The following CHCHD3 variants were observed in gnomAD, a reference collection of about 807,000 sequenced individuals.
The protein encoded by CHCHD3 is coiled-coil-helix-coiled-coil-helix domain containing 3.
In CHCHD3, 20 loss-of-function variants were observed where a neutral mutation model predicts 38.2. The ratio of observed to expected loss-of-function variants is 0.52; its 90% CI spans 0.37 to 0.76. The LOEUF is 0.76. Ranked by LOEUF, CHCHD3 falls within the 30% of genes least tolerant of loss-of-function variation. CHCHD3 has a pLI of 0.00. For synonymous variants in CHCHD3, 82 were observed against 100.0 expected, an observed-to-expected ratio of 0.82 and a Z score of 1.07; for missense variants, 245 against 279.2, an observed-to-expected ratio of 0.88 and a Z score of 0.87.
chr7:132,804,038 G>A (rs1391801819), intron 6 of CHCHD3, among the ~76,000 whole-genome samples: 3 of 151,974 alleles, frequency 2.0e-5, no homozygotes, highest in Non-Finnish European at 4.4e-5. Flanking sequence ...AAAACCTCAT[G>A]TTTAGAAGGT....
At chr7:132,818,477 T>C (rs554035150) in intron 6 of CHCHD3, among the ~76,000 whole-genome samples, 1 of 152,228 alleles carries the variant, frequency 6.6e-6, no homozygotes, top group South Asian at 2.1e-4. Context: ...GCTCAGAAAA[T>C]GCCTATAATT....
intron 4 of CHCHD3, chr7:132,886,880 T>C: frequency 4.1e-6 from 3 of 733,388 alleles, no homozygotes; most frequent in Non-Finnish European, 5.7e-6. Flanking sequence ...TCAAGTATTG[T>C]CTGTTTCAGA....
intron 4 of CHCHD3, among the ~76,000 whole-genome samples, chr7:132,904,722 C>T (rs1258978392): frequency 1.3e-5 from 2 of 152,110 alleles, no homozygotes; most frequent in Non-Finnish European, 2.9e-5. Context: ...ACCATTTGAC[C>T]CATCCATCCC....
At chr7:132,828,418 C>T (rs949200012) in intron 6 of CHCHD3, among the ~76,000 whole-genome samples, 21 of 151,828 alleles carry the variant, frequency 1.4e-4, no homozygotes, top group African/African-American at 5.1e-4. Context: ...AGTCTTTTGC[C>T]CATGAAAAAA....
intron 1 of CHCHD3, among the ~76,000 whole-genome samples, chr7:133,073,066 C>A (rs1448865522): frequency 6.6e-6 from 1 of 152,114 alleles, no homozygotes; most frequent in East Asian, 1.9e-4. Context: ...TCACCAATGA[C>A]CAAATAAATA....
At chr7:133,044,800 A>G (rs1813931889) in intron 2 of CHCHD3, among the ~76,000 whole-genome samples, 1 of 152,250 alleles carries the variant, frequency 6.6e-6, no homozygotes, top group Non-Finnish European at 1.5e-5. Flanking sequence ...CAGACTTGGG[A>G]GAGGGAATCC....
chr7:132,815,029 A>G (rs964632762), intron 6 of CHCHD3, among the ~76,000 whole-genome samples: 1 of 152,256 alleles, frequency 6.6e-6, no homozygotes, highest in Admixed American at 6.5e-5. Context: ...ATTGAATAGC[A>G]TAATGAGATA....
chr7:132,987,873 A>G (rs1812163566), intron 3 of CHCHD3, among the ~76,000 whole-genome samples: 1 of 152,134 alleles, frequency 6.6e-6, no homozygotes, highest in African/African-American at 2.4e-5. Flanking sequence ...CCAACCCTCC[A>G]GCCTGAAGAC....
intron 4 of CHCHD3, among the ~76,000 whole-genome samples, chr7:132,892,192 G>A (rs1809378417): frequency 6.6e-6 from 1 of 152,208 alleles, no homozygotes; most frequent in Non-Finnish European, 1.5e-5. Context: ...GGAAAGTCTG[G>A]AACTTCTGAG....
chr7:132,951,175 T>G (rs1811028284), intron 4 of CHCHD3, among the ~76,000 whole-genome samples: 1 of 152,150 alleles, frequency 6.6e-6, no homozygotes, highest in African/African-American at 2.4e-5. Flanking sequence ...GAAATATTGT[T>G]TTAAGAACGT....
intron 4 of CHCHD3, among the ~76,000 whole-genome samples, chr7:132,896,807 C>A (rs2117194172): frequency 6.6e-6 from 1 of 152,214 alleles, no homozygotes; most frequent in Non-Finnish European, 1.5e-5. Flanking sequence ...TTCTATAAAA[C>A]AAATTAAGGA....
intron 2 of CHCHD3, among the ~76,000 whole-genome samples, chr7:133,043,882 CA>C (rs1319915317): frequency 2.0e-5 from 3 of 152,154 alleles, no homozygotes; most frequent in African/African-American, 7.2e-5. Flanking sequence ...ATATGAGACA[CA>C]CCCCAATGTG....
chr7:133,005,606 C>T (rs1812678705), intron 3 of CHCHD3, among the ~76,000 whole-genome samples: 1 of 152,166 alleles, frequency 6.6e-6, no homozygotes, highest in African/African-American at 2.4e-5. Context: ...TTTCAATCTA[C>T]AAATTTATTT....
chr7:132,907,403 A>G (rs551870531), intron 4 of CHCHD3, among the ~76,000 whole-genome samples: 1 of 152,310 alleles, frequency 6.6e-6, no homozygotes, highest in East Asian at 1.9e-4. Context: ...AGGACAGTAA[A>G]TGCTGCCAGG....
chr7:133,066,806 A>C (rs1247517843), intron 2 of CHCHD3, among the ~76,000 whole-genome samples: 1 of 152,038 alleles, frequency 6.6e-6, no homozygotes, highest in Non-Finnish European at 1.5e-5. Context: ...CTCTCCTTCC[A>C]CTCAGGCCAA....
At chr7:133,051,863 C>T (rs1041193399) in intron 2 of CHCHD3, 2 of 151,998 alleles carry the variant, frequency 1.3e-5, no homozygotes, top group Middle Eastern at 3.2e-3. Flanking sequence ...GAAACAAAGA[C>T]GAATGAAAAT....
rs571922755 is a variant in CHCHD3 at position 132,805,836 on chromosome 7, G to A, written c.525-9259C>T. ...ACTGAGAGGACATGGAAGTAAAGAA[G>A]AGGAAGGACTGAGAGAATCACAGGA... On this transcript the variant is annotated intron_variant, in intron 6 of 7. Coordinates refer to ENST00000262570, the MANE Select transcript of CHCHD3 (RefSeq NM_017812.4). Among the ~76,000 whole-genome samples, 10 of 152,298 alleles carry A rather than the reference G, an allele frequency of 6.6e-5. No individual in the cohort carries two copies. In the South Asian group the frequency reaches 1.5e-3, roughly 22 times the overall value.
chr7:132,910,267 A>C (rs773969155), intron 4 of CHCHD3, among the ~76,000 whole-genome samples: 5 of 152,100 alleles, frequency 3.3e-5, no homozygotes, highest in Non-Finnish European at 7.3e-5. Flanking sequence ...TCTTTTTATT[A>C]CTGTATGATC....
At chr7:132,823,304 T>A (rs1050406660) in intron 6 of CHCHD3, among the ~76,000 whole-genome samples, 5 of 152,216 alleles carry the variant, frequency 3.3e-5, no homozygotes, top group Non-Finnish European at 7.3e-5. Context: ...CCTGAAACCA[T>A]GAATAGTACT....
Sources: allele counts gnomAD v4.1 joint callset (sites outside exome capture counted in the v4.1 genomes callset), GRCh38; gene constraint gnomAD v4.1.1; transcripts MANE v1.5; gene names NCBI Gene and HGNC (gene_info 2026-07-23, HGNC 2026-07-21).